ECE2: variants seen among roughly 807,000 people sequenced by gnomAD.
ECE2 encodes endothelin converting enzyme 2.
ECE2 carries 81 observed loss-of-function variants against 100.6 expected under a neutral mutation model. That is an observed-to-expected ratio of 0.81 (90% CI 0.67 to 0.97). The LOEUF (loss-of-function observed/expected upper bound fraction) is 0.97. Ranked by LOEUF, ECE2 falls within the 50% of genes least tolerant of loss-of-function variation. The probability of loss-of-function intolerance (pLI) is 0.00; values close to 1 mark genes in which losing one functional copy is unlikely to be tolerated. For missense variants in ECE2, 911 were observed against 988.1 expected, an observed-to-expected ratio of 0.92 and a Z score of 1.05; for synonymous variants, 391 against 391.5, an observed-to-expected ratio of 1.00 and a Z score of 0.02.
In ECE2 at chr3:184,277,424, A is replaced by G. The variant is rs2108417174; in HGVS notation, c.436A>G (p.Ser146Gly). 1.2e-6 allele frequency: 2 copies of G among 1,614,240 alleles called. No individual in the cohort carries two copies. Among genetic ancestry groups the G allele is most frequent in the East Asian group, 4.5e-5 (2 of 44,888 alleles). Residue 146 changes from serine (S) to glycine (G), a missense_variant, in exon 4 of 19, where the codon AGC becomes GGC. Ser to Gly is a moderately conservative substitution (Grantham distance 56). Transcript: ENST00000404464. ...DGRSRWNTFNSLWDQNQAILK... is the reference protein window; with the variant it reads ...DGRSRWNTFNGLWDQNQAILK... ...GCGTTCTCGCTGGAACACCTTCAAC[A>G]GCCTCTGGGACCAAAACCAGGCCAT... is the stretch of plus-strand genomic sequence containing the variant.
At chr3:184,279,309 CAAAA>C (rs60647349) in intron 7 of ECE2, among the ~76,000 whole-genome samples, 1 of 79,154 alleles carries the variant, frequency 1.3e-5, no homozygotes, top group Admixed American at 1.6e-4. Context: ...GACTCCGACT[CAAAA>C]AAAAAAAAAA....
In ECE2 at chr3:184,276,212, T is replaced by C. The variant is rs753099821; in HGVS notation, c.39+20T>C. On this transcript the variant is annotated intron_variant, in intron 1 of 18. Coordinates refer to ENST00000404464, the MANE Select transcript of ECE2 (RefSeq NM_001100121.2). ...AGCAACGTGAGTGGGGGCCCCGGGC[T>C]CCACGGGAGGGGACTGGGTGGAGGG... 6.9e-7 allele frequency: 1 copy of C among 1,439,326 alleles called. No individual in the cohort carries two copies. The allele number at this position is 1,439,326 out of a possible 1,614,324, so 89.2% of individuals were successfully genotyped here.
chr3:184,282,638 AT>A (rs1720858021), intron 7 of ECE2, among the ~76,000 whole-genome samples: 1 of 152,210 alleles, frequency 6.6e-6, no homozygotes, highest in Non-Finnish European at 1.5e-5. Flanking sequence ...GTGAGGCCAC[AT>A]GAGTTTGTAC....
chr3:184,279,878 T>C (rs1485079168), intron 7 of ECE2, among the ~76,000 whole-genome samples: 1 of 151,996 alleles, frequency 6.6e-6, no homozygotes, highest in Admixed American at 6.6e-5. Flanking sequence ...CGCAGTGCTT[T>C]GGGAAGTCAG....
chr3:184,283,183 G>C (rs1269044084), intron 7 of ECE2, among the ~76,000 whole-genome samples: 4 of 152,210 alleles, frequency 2.6e-5, no homozygotes, highest in Admixed American at 1.3e-4. Context: ...AGAGACAGCA[G>C]TGAGTAAGCT....
chr3:184,290,332 G>A lies in ECE2; in HGVS notation c.1629G>A (p.Gln543=), dbSNP rs758305118. ...YNFSAKVMAD[Q]LRKPPSRDQW... is the part of the protein sequence containing the mutation. ...TCTCTGCCAAGGTTATGGCTGACCA[G>A]CTCCGCAAGCCTCCCAGCCGAGACC... Residue 543 remains glutamine, a synonymous_variant, in exon 14 of 19, where the codon CAG becomes CAA. Transcript: ENST00000404464. 1 of 1,613,902 alleles carries A rather than the reference G, an allele frequency of 6.2e-7. No individual in the cohort carries two copies. The highest frequency in any genetic ancestry group is 1.7e-5 in the Admixed American group (1 of 60,008).
At chr3:184,276,453 T>C (rs776644160) in intron 1 of ECE2, 28 bp from the exon 2 acceptor site, 1 of 1,593,476 alleles carries the variant, frequency 6.3e-7, no homozygotes, top group South Asian at 1.1e-5. Context: ...CTGCCTGACC[T>C]CGGTTGGCAA....
At chr3:184,282,673 G>A (rs1038812617) in intron 7 of ECE2, among the ~76,000 whole-genome samples, 2 of 152,152 alleles carry the variant, frequency 1.3e-5, no homozygotes, top group Non-Finnish European at 2.9e-5. Context: ...GGCCAGGGCC[G>A]CCATGGCCCT....
Position 184,289,385 on chromosome 3 carries a change from G to A in ECE2, c.1375-52G>A. 1.3e-6 allele frequency: 2 copies of A among 1,521,242 alleles called. No homozygotes were observed. The highest frequency in any genetic ancestry group is 1.8e-6 in the Non-Finnish European group (2 of 1,119,076). 94.2% of individuals were successfully genotyped at this position (1,521,242 alleles called of 1,614,324 possible). ...GGGGCACCAAGGGTGGATGGGTGGG[G>A]CAGGGATGCATTCAGTGCAGGGGAA... On this transcript the variant is annotated intron_variant, in intron 11 of 18. Transcript: ENST00000404464. This position sits in a 1 kb window ranked among gnomAD's most constrained non-coding sequence, Gnocchi z 4.1.
Position 184,291,937 on chromosome 3 carries a change from T to G in ECE2, c.2122-125T>G. 1 of 1,160,442 alleles carries G rather than the reference T, an allele frequency of 8.6e-7. No homozygotes were observed. Among genetic ancestry groups the G allele is most frequent in the Non-Finnish European group, 1.2e-6 (1 of 821,356 alleles). 71.9% of individuals were successfully genotyped at this position (1,160,442 alleles called of 1,614,324 possible). On this transcript the variant is annotated intron_variant, in intron 18 of 18. Coordinates refer to ENST00000404464, the MANE Select transcript of ECE2 (RefSeq NM_001100121.2). The surrounding 1 kb of genome is among the most constrained non-coding windows in gnomAD (Gnocchi z 4.1). The stretch of plus-strand genomic sequence containing the variant: ...CTGGGCAACCCGATGTCCAGGGCAG[T>G]TTTGGAAGGAACTTGGGAGGGGCTG...
intron 7 of ECE2, among the ~76,000 whole-genome samples, chr3:184,281,691 G>A (rs1720819240): frequency 3.9e-5 from 6 of 152,214 alleles, no homozygotes; most frequent in Admixed American, 3.9e-4. Flanking sequence ...CCCTTTGGAA[G>A]GGGCAAGAGG....
intron 7 of ECE2, 179 bp downstream of exon 7, chr3:184,278,736 TTTCC>T: frequency 1.6e-6 from 1 of 636,000 alleles, no homozygotes; most frequent in Non-Finnish European, 2.7e-6. Context: ...TTCTTCCCCT[TTTCC>T]TTCCTTCCTT....
Position 184,292,355 on chromosome 3 carries a change from T to C in ECE2, c.*117T>C. 5 of 1,196,114 alleles carry C rather than the reference T, an allele frequency of 4.2e-6. No homozygotes were observed. The highest frequency in any genetic ancestry group is 1.5e-5 in the African/African-American group (1 of 65,806). The allele number at this position is 1,196,114 out of a possible 1,614,324, so 74.1% of individuals were successfully genotyped here. ...TGCAAGCTGGGCTGGGTCTAGTCCC[T>C]CCCCCCCACAGGTGACATGAGTACA... is the stretch of plus-strand genomic sequence containing the variant. On this transcript the variant is annotated 3_prime_UTR_variant, in exon 19 of 19. Coordinates refer to ENST00000404464, the MANE Select transcript of ECE2 (RefSeq NM_001100121.2).
intron 14 of ECE2, 45 bp from the exon 15 acceptor site, chr3:184,290,512 G>C: frequency 6.3e-7 from 1 of 1,596,180 alleles, no homozygotes; most frequent in Non-Finnish European, 8.6e-7. Context: ...GGGGAGCAGT[G>C]TCAGGAGAGT....
rs1274406989 is a variant in ECE2 at position 184,278,403 on chromosome 3, C to T, written c.751-89C>T. 1.9e-6 allele frequency: 3 copies of T among 1,586,138 alleles called. No individual in the cohort carries two copies. In the African/African-American group the frequency reaches 4.0e-5, roughly 21 times the overall value. On this transcript the variant is annotated intron_variant, in intron 6 of 18. Coordinates refer to ENST00000404464, the MANE Select transcript of ECE2 (RefSeq NM_001100121.2). ...CCTGTGACAGGCAGGCTGGGCTGACCCCCCGGCCCCACCCCTACCCCCGCT... is the reference window on the plus strand; with the variant it reads ...CCTGTGACAGGCAGGCTGGGCTGACTCCCCGGCCCCACCCCTACCCCCGCT...
intron 7 of ECE2, among the ~76,000 whole-genome samples, chr3:184,279,858 A>G (rs1160997957): frequency 6.6e-6 from 1 of 152,074 alleles, no homozygotes; most frequent in Non-Finnish European, 1.5e-5. Flanking sequence ...GCTCCAAAGT[A>G]GGGAGGGAGC....
intron 10 of ECE2, 43 bp from the exon 11 acceptor site, chr3:184,287,794 G>A (rs1296759103): frequency 6.4e-7 from 1 of 1,567,298 alleles, no homozygotes; most frequent in Non-Finnish European, 8.8e-7. Context: ...CTGACTGGAG[G>A]ACACAGCCAT....
chr3:184,283,240 A>C (rs843340), intron 7 of ECE2, among the ~76,000 whole-genome samples: 13,648 of 152,064 alleles, frequency 0.09, 728 homozygotes, highest in East Asian at 0.2. Context: ...TTCTCCTTGG[A>C]GAAATAGATG....
At chr3:184,276,858 T>C (rs768795738) in intron 2 of ECE2, 34 bp from the exon 3 acceptor site, 1 of 1,610,524 alleles carries the variant, frequency 6.2e-7, no homozygotes, top group South Asian at 1.1e-5. Context: ...CTGCCCTGCA[T>C]CTCAGTCACT....
Sources: gnomAD v4.1 joint callset for allele counts (sites outside exome capture counted in the v4.1 genomes callset) on GRCh38, gnomAD v4.1.1 for gene constraint, Gnocchi (gnomAD v3.1) non-coding constraint, MANE v1.5 for transcripts, NCBI Gene and HGNC (gene_info 2026-07-23, HGNC 2026-07-21) for gene names.